PPP1R13L: variants seen among roughly 807,000 people sequenced by gnomAD.
PPP1R13L encodes protein phosphatase 1 regulatory subunit 13 like.
In PPP1R13L, 50 loss-of-function variants were observed where a neutral mutation model predicts 80.9. That is an observed-to-expected ratio of 0.62 (90% CI 0.49 to 0.78). The LOEUF (loss-of-function observed/expected upper bound fraction) is 0.78, where lower values mean the gene tolerates loss of function less well. Ranked by LOEUF, PPP1R13L falls within the 30% of genes least tolerant of loss-of-function variation. The pLI is 0.00. For missense variants in PPP1R13L, 1,200 were observed against 1,205.9 expected, an observed-to-expected ratio of 1.00 and a Z score of 0.07; for synonymous variants, 602 against 534.3, an observed-to-expected ratio of 1.13 and a Z score of -1.75.
chr19:45,398,105 T>G lies in PPP1R13L; in HGVS notation c.98A>C (p.Asp33Ala). ...TTCATCCACCTTGGCCGCCGCCGTG[T>G]CCAGCTCCATCTGCTTCAGATCCAT... ...KHMDLKQMEL[D>A]TAAAKVDELT... The change falls in exon 3 of 13, where the codon GAC (aspartate) becomes GCC (alanine). Residue 33 changes from aspartate (D) to alanine (A), a missense_variant. By Grantham distance (126) the Asp-to-Ala change is moderately radical (BLOSUM62 -2). Around this residue, in one of 5 missense-constraint regions of PPP1R13L, gnomAD observed 764 missense variants for 714.5 expected, o/e 1.07. Coordinates refer to ENST00000360957, the MANE Select transcript of PPP1R13L (RefSeq NM_006663.4). 1 of 1,614,194 alleles carries G rather than the reference T, an allele frequency of 6.2e-7. No homozygotes were observed.
chr19:45,402,851 G>A (rs1001791871), intron 1 of PPP1R13L, among the ~76,000 whole-genome samples: 8 of 152,190 alleles, frequency 5.3e-5, no homozygotes, highest in Non-Finnish European at 1.0e-4. Context: ...GTTCTTTAGG[G>A]CTAAGGATCC....
chr19:45,383,929 A>T (rs980024895), intron 11 of PPP1R13L, among the ~76,000 whole-genome samples: 4 of 150,990 alleles, frequency 2.6e-5, no homozygotes, highest in African/African-American at 7.3e-5. Context: ...ACCCGGCTAA[A>T]TTGTTTTATA....
intron 3 of PPP1R13L, 97 bp downstream of exon 3, chr19:45,397,908 C>A (rs1973145297): frequency 6.8e-7 from 1 of 1,470,390 alleles, no homozygotes; most frequent in African/African-American, 1.4e-5. Flanking sequence ...CCACAACCTG[C>A]ATAACTATAT....
intron 11 of PPP1R13L, among the ~76,000 whole-genome samples, chr19:45,385,176 C>T (rs1972840765): frequency 6.6e-6 from 1 of 152,228 alleles, no homozygotes; most frequent in Admixed American, 6.5e-5. Context: ...CTGTAGCCTG[C>T]TCACCTGCCA....
intron 3 of PPP1R13L, among the ~76,000 whole-genome samples, chr19:45,397,472 C>CTCTCTCTTTCTTTCTTTCTT (rs1272655512): frequency 6.0e-5 from 5 of 83,404 alleles, no homozygotes; most frequent in East Asian, 3.7e-4. Context: ...TTCTCTCTCT[C>CTCTCTCTTTCTTTCTTTCTT]TCTTTCTTTC....
chr19:45,383,932 G>T (rs2017154), intron 11 of PPP1R13L, among the ~76,000 whole-genome samples: 97,023 of 151,576 alleles, frequency 0.64, 32,698 homozygotes, highest in African/African-American at 0.88. Context: ...CGGCTAAATT[G>T]TTTTATATTT....
intron 8 of PPP1R13L, among the ~76,000 whole-genome samples, chr19:45,389,819 G>A (rs1303722073): frequency 6.6e-6 from 1 of 151,362 alleles, no homozygotes; most frequent in Non-Finnish European, 1.5e-5. Context: ...TTTTTGAGAC[G>A]GAATCTTGCT....
intron 1 of PPP1R13L, among the ~76,000 whole-genome samples, chr19:45,400,175 C>T (rs1371304032): frequency 2.6e-5 from 4 of 151,936 alleles, no homozygotes; most frequent in Admixed American, 1.3e-4. Flanking sequence ...TAGAGGGAAG[C>T]GACTGCTCAG....
intron 9 of PPP1R13L, 43 bp from the exon 10 acceptor site, chr19:45,386,000 G>A (rs761773471): frequency 1.9e-6 from 3 of 1,562,976 alleles, no homozygotes; most frequent in East Asian, 2.4e-5. Flanking sequence ...CCCGCGGCTG[G>A]CATCTGCGAT....
At chr19:45,392,380 G>A (rs922230967) in intron 7 of PPP1R13L, 40 bp from the exon 8 acceptor site, 14 of 1,590,330 alleles carry the variant, frequency 8.8e-6, no homozygotes, top group Non-Finnish European at 1.2e-5. Context: ...AGGTCCCCAG[G>A]AGACACCCAA....
chr19:45,399,180 T>A (rs1013390986), intron 1 of PPP1R13L, among the ~76,000 whole-genome samples: 2 of 148,130 alleles, frequency 1.4e-5, no homozygotes, highest in Admixed American at 6.7e-5. Flanking sequence ...CCTGACCGCG[T>A]GATCCATCTG....
intron 1 of PPP1R13L, among the ~76,000 whole-genome samples, chr19:45,403,510 G>GC (rs1437604588): frequency 3.3e-5 from 5 of 152,090 alleles, no homozygotes; most frequent in African/African-American, 1.2e-4. Context: ...ACAGAAGCTG[G>GC]CAAAAGCCCA....
At position 45,385,638 on chromosome 19, in the gene PPP1R13L, G is replaced by T. The variant is rs774023099; in HGVS notation, c.2172C>A (p.Leu724=). ...TCTCGAAGGCGGTGGCGCCGTCGCT[G>T]AGCGTGGTGGCGAAGATTGCAGCGC... ...QHGAAIFATT[L]SDGATAFEKC... is the part of the protein sequence containing the mutation. Residue 724 remains leucine (L), a synonymous_variant, in exon 11 of 13, where the codon CTC becomes CTA. Transcript: ENST00000360957. 10 of 1,613,028 alleles carry T rather than the reference G, an allele frequency of 6.2e-6. No homozygotes were observed. In the South Asian group the frequency reaches 9.9e-5, roughly 16 times the overall value.
Position 45,391,815 on chromosome 19 carries a change from G to C in PPP1R13L, c.1815+65C>G, listed in dbSNP as rs1351176943. ...TCATCTAAGCCACTATATTTGGGGG[G>C]CTCTTTGCTACAGCTCCTGGATTCA... is the stretch of plus-strand genomic sequence containing the variant. On this transcript the variant is annotated intron_variant, in intron 8 of 12. Transcript: ENST00000360957. 2.4e-6 allele frequency: 3 copies of C among 1,258,390 alleles called. No homozygotes were observed. The African/African-American group carries it at 4.6e-5, about 19-fold the overall frequency. The allele number at this position is 1,258,390 out of a possible 1,614,324, so 78.0% of individuals were successfully genotyped here.
intron 7 of PPP1R13L, chr19:45,392,563 T>C (rs1213056236): frequency 4.7e-6 from 3 of 644,498 alleles, no homozygotes. Flanking sequence ...TTTACATGCC[T>C]ACCTTATTGT....
intron 8 of PPP1R13L, 64 bp from the exon 9 acceptor site, chr19:45,386,244 TA>T: frequency 7.0e-7 from 1 of 1,432,492 alleles, no homozygotes; most frequent in South Asian, 1.5e-5. Context: ...TGATCTAGAG[TA>T]GGAAACAGAG....
chr19:45,398,343 C>T lies in PPP1R13L; in HGVS notation c.-21-4G>A. The T allele has an allele frequency of 6.2e-7, 1 of 1,612,612 alleles. No individual in the cohort carries two copies. The highest frequency in any genetic ancestry group is 8.5e-7 in the Non-Finnish European group (1 of 1,179,772). ...TGGTGCCGGCCGGAGCGGGCGCCTG[C>T]ATGGTGGGGAGGGAGGGAGCTGGCT... On this transcript the variant is annotated splice_region_variant and splice_polypyrimidine_tract_variant and intron_variant, in intron 1 of 12. Coordinates refer to ENST00000360957, the MANE Select transcript of PPP1R13L (RefSeq NM_006663.4).
chr19:45,385,049 A>G (rs1972838589), intron 11 of PPP1R13L, among the ~76,000 whole-genome samples: 1 of 151,366 alleles, frequency 6.6e-6, no homozygotes, highest in Non-Finnish European at 1.5e-5. Context: ...GACCCTGTGC[A>G]CAATCCCCGT....
intron 11 of PPP1R13L, 51 bp downstream of exon 11, chr19:45,385,511 C>G (rs769332146): frequency 9.1e-6 from 14 of 1,538,968 alleles, no homozygotes; most frequent in South Asian, 8.7e-5. Flanking sequence ...CTCCCCTCCC[C>G]GCTCCTGCGC....
Sources: gnomAD v4.1 joint callset for allele counts (sites outside exome capture counted in the v4.1 genomes callset) on GRCh38, gnomAD v4.1.1 for gene constraint, gnomAD v4.1.1 regional missense constraint, MANE v1.5 for transcripts, NCBI Gene and HGNC (gene_info 2026-07-23, HGNC 2026-07-21) for gene names.